ITGA1: variants seen among roughly 807,000 people sequenced by gnomAD.
ITGA1 encodes integrin alpha-1.
Under a neutral mutation model 145.9 loss-of-function variants are expected in ITGA1, and 85 were observed. That is an observed-to-expected ratio of 0.58 (90% CI 0.49 to 0.70). ITGA1 has a LOEUF of 0.70. Ranked by LOEUF, ITGA1 falls within the 30% of genes least tolerant of loss-of-function variation. The pLI is 0.00. For synonymous variants in ITGA1, 520 were observed against 495.3 expected, an observed-to-expected ratio of 1.05 and a Z score of -0.66; for missense variants, 1,351 against 1,418.7, an observed-to-expected ratio of 0.95 and a Z score of 0.77.
intron 8 of ITGA1, among the ~76,000 whole-genome samples, chr5:52,888,982 T>C (rs1579699726): frequency 6.6e-6 from 1 of 152,198 alleles, no homozygotes; most frequent in Admixed American, 6.5e-5. Flanking sequence ...TGAGAATAAA[T>C]CTGCCACTGC....
At chr5:52,820,575 G>A (rs773620212) in intron 1 of ITGA1, among the ~76,000 whole-genome samples, 6 of 151,436 alleles carry the variant, frequency 4.0e-5, no homozygotes, top group East Asian at 1.9e-4. Flanking sequence ...TCCCTTGGCC[G>A]GAGGTGGAGG....
At chr5:52,820,133 A>T (rs34544701) in intron 1 of ITGA1, among the ~76,000 whole-genome samples, 137,634 of 151,848 alleles carry the variant, frequency 0.91, 62,451 homozygotes, top group Middle Eastern at 0.92. Context: ...ATGCAGGCTC[A>T]TTTTTGGTTC....
intron 1 of ITGA1, chr5:52,824,829 G>A (rs1748935901): frequency 6.6e-6 from 1 of 152,108 alleles, no homozygotes; most frequent in Non-Finnish European, 1.5e-5. Flanking sequence ...TATATTATTT[G>A]TTACAACTGC....
intron 6 of ITGA1, among the ~76,000 whole-genome samples, chr5:52,879,741 T>C (rs568456846): frequency 6.6e-6 from 1 of 152,290 alleles, no homozygotes; most frequent in East Asian, 1.9e-4. Flanking sequence ...TGGTCACCTT[T>C]ATTCCAAATA....
At chr5:52,933,497 C>T (rs1750921309) in intron 22 of ITGA1, 1 of 152,082 alleles carries the variant, frequency 6.6e-6, no homozygotes, top group Admixed American at 6.6e-5. Context: ...TTAAGTTTAG[C>T]AGTAAATATA....
chr5:52,864,708 A>G, intron 3 of ITGA1, 55 bp from the exon 4 acceptor site: 1 of 1,119,418 alleles, frequency 8.9e-7, no homozygotes, highest in Non-Finnish European at 1.3e-6. Context: ...AGAGATGCTT[A>G]AAATTTCACT....
At chr5:52,912,809 C>T (rs1162812908) in intron 14 of ITGA1, among the ~76,000 whole-genome samples, 1 of 150,626 alleles carries the variant, frequency 6.6e-6, no homozygotes, top group Non-Finnish European at 1.5e-5. Context: ...TGCAGTGGCA[C>T]GATCTCAGCT....
At chr5:52,926,936 T>C (rs1750820594) in intron 19 of ITGA1, among the ~76,000 whole-genome samples, 1 of 152,198 alleles carries the variant, frequency 6.6e-6, no homozygotes, top group Admixed American at 6.5e-5. Flanking sequence ...TAAAACCTTT[T>C]TTTCATGTTT....
intron 2 of ITGA1, among the ~76,000 whole-genome samples, chr5:52,852,157 G>A (rs1196876056): frequency 6.6e-6 from 1 of 152,158 alleles, no homozygotes; most frequent in Non-Finnish European, 1.5e-5. Flanking sequence ...AATAAGTGAG[G>A]TGAGTGTGTT....
At chr5:52,940,189 C>G (rs1484221012) in intron 26 of ITGA1, among the ~76,000 whole-genome samples, 2 of 152,112 alleles carry the variant, frequency 1.3e-5, no homozygotes, top group African/African-American at 2.4e-5. Context: ...CTCTCTTATC[C>G]TTTTTCTTTG....
chr5:52,797,327 T>C lies in ITGA1; in HGVS notation c.61+8913T>C, dbSNP rs374989601. On this transcript the variant is annotated intron_variant, in intron 1 of 28. Coordinates refer to ENST00000282588, the MANE Select transcript of ITGA1 (RefSeq NM_181501.2). ...TTGCCTCATAACTTAAAAAAAAATT[T>C]TTTTAACCATGGATTTAAGAGTCAA... 1.7e-4 allele frequency among the ~76,000 whole-genome samples: 26 copies of C among 152,194 alleles called. No individual in the cohort carries two copies. In the East Asian group the frequency reaches 2.1e-3, roughly 12 times the overall value.
intron 6 of ITGA1, chr5:52,867,349 T>C (rs1749703882): frequency 6.6e-6 from 1 of 152,224 alleles, no homozygotes; most frequent in African/African-American, 2.4e-5. Flanking sequence ...AATATCCTGC[T>C]GGACAATAGA....
rs60113844 is a variant in ITGA1 at position 52,808,676 on chromosome 5, C to CT, written c.61+20283dup. On this transcript the variant is annotated intron_variant, in intron 1 of 28. Transcript: ENST00000282588. ...TTTTTTTCTTTTTCTTTCTTTCTTT[C>CT]TTTTTTTTTTTTTTTTTTTTTGTTT... 6.3e-3 allele frequency among the ~76,000 whole-genome samples: 439 copies of CT among 69,360 alleles called. 2 individuals are homozygous for CT. Among genetic ancestry groups the CT allele is most frequent in the Middle Eastern group, 0.015 (1 of 68 alleles). 45.5% of individuals were successfully genotyped at this position (69,360 alleles called of 152,430 possible).
intron 6 of ITGA1, 98 bp from the exon 7 acceptor site, chr5:52,881,775 A>G: frequency 1.8e-6 from 2 of 1,124,932 alleles, no homozygotes; most frequent in Non-Finnish European, 2.5e-6. Flanking sequence ...TTGCAAACTC[A>G]TCTGAAATGT....
intron 17 of ITGA1, 78 bp from the exon 18 acceptor site, chr5:52,922,699 C>G (rs755146341): frequency 2.2e-6 from 2 of 899,716 alleles, no homozygotes; most frequent in Non-Finnish European, 1.8e-6. Flanking sequence ...CCCTTGGGAA[C>G]AGAAGAAGGA....
intron 1 of ITGA1, among the ~76,000 whole-genome samples, chr5:52,812,728 A>G (rs1748700823): frequency 6.6e-6 from 1 of 151,308 alleles, no homozygotes; most frequent in Admixed American, 6.6e-5. Context: ...GATATGATGT[A>G]AGCAAAATAT....
At chr5:52,848,449 T>C (rs752184010) in intron 1 of ITGA1, among the ~76,000 whole-genome samples, 5 of 152,250 alleles carry the variant, frequency 3.3e-5, no homozygotes, top group Non-Finnish European at 7.3e-5. Context: ...TTCTGCCTGC[T>C]CTTTTCCACA....
chr5:52,940,023 C>T (rs9637769), intron 26 of ITGA1, 79 bp downstream of exon 26: 83,600 of 895,638 alleles, frequency 0.093, 5,115 homozygotes, highest in East Asian at 0.22. Context: ...ATGCAAGGCA[C>T]TGTGCTGCTT....
chr5:52,827,968 G>A (rs1748995869), intron 1 of ITGA1, among the ~76,000 whole-genome samples: 1 of 152,140 alleles, frequency 6.6e-6, no homozygotes. Flanking sequence ...TCTCTGTGAT[G>A]TGCCTGTACT....
Sources: gnomAD v4.1 joint callset for allele counts (sites outside exome capture counted in the v4.1 genomes callset) on GRCh38, gnomAD v4.1.1 for gene constraint, MANE v1.5 for transcripts, NCBI Gene and HGNC (gene_info 2026-07-23, HGNC 2026-07-21) for gene names.